Variants in ST3GAL1 observed in about 807,000 individuals in gnomAD.
ST3GAL1 encodes ST3 beta-galactoside alpha-2,3-sialyltransferase 1.
In ST3GAL1, 16 loss-of-function variants were observed where a neutral mutation model predicts 34.1. That is an observed-to-expected ratio of 0.47 (90% confidence interval 0.32 to 0.71). The LOEUF (loss-of-function observed/expected upper bound fraction) is 0.71. Ranked by LOEUF, ST3GAL1 falls within the 30% of genes least tolerant of loss-of-function variation. The probability of loss-of-function intolerance (pLI) is 0.04; values close to 1 mark genes in which losing one functional copy is unlikely to be tolerated. For missense variants in ST3GAL1, 353 were observed against 447.4 expected (o/e 0.79, Z 1.90); for synonymous variants, 191 against 184.7 (o/e 1.03, Z -0.28).
chr8:133,469,938 C>T lies in ST3GAL1; in HGVS notation c.307-3848G>A, dbSNP rs1310724841. On this transcript the variant is annotated intron_variant, in intron 5 of 9. Transcript: ENST00000522652. The surrounding 1 kb of genome is among the most constrained non-coding windows in gnomAD (Gnocchi z 4.3). ...AGGCCCAGACCCTGGAAAGGGCTCA[C>T]TTGAGGTCCCAGAGTGAGTGCAGGG... Among the ~76,000 whole-genome samples the T allele has an allele frequency of 2.0e-5, 3 of 152,218 alleles. No individual in the cohort carries two copies. The highest frequency in any genetic ancestry group is 4.4e-5 in the Non-Finnish European group (3 of 68,040).
At chr8:133,509,011 T>C (rs1018625402) in intron 2 of ST3GAL1, among the ~76,000 whole-genome samples, 27 of 152,108 alleles carry the variant, frequency 1.8e-4, no homozygotes, top group African/African-American at 1.7e-4. Flanking sequence ...AGCTTGCAAA[T>C]AGGGAGACAT....
intron 1 of ST3GAL1, among the ~76,000 whole-genome samples, chr8:133,553,875 C>T (rs896481812): frequency 3.3e-5 from 5 of 152,128 alleles, no homozygotes; most frequent in African/African-American, 4.8e-5. Flanking sequence ...ACATAGGTTG[C>T]GGCAATCTAA....
chr8:133,495,253 A>G (rs531802326), intron 3 of ST3GAL1, among the ~76,000 whole-genome samples: 8 of 152,130 alleles, frequency 5.3e-5, no homozygotes, highest in Non-Finnish European at 1.2e-4. Context: ...ACTAACTGGC[A>G]TTGCATACTT....
At chr8:133,464,727 G>C (rs767251491) in intron 7 of ST3GAL1, 51 bp downstream of exon 7, 3 of 1,558,184 alleles carry the variant, frequency 1.9e-6, no homozygotes, top group Non-Finnish European at 8.7e-7. Flanking sequence ...GGGGGACAGG[G>C]TGCCACTGCA....
At chr8:133,516,221 A>T (rs1406956710) in intron 2 of ST3GAL1, 2 of 152,104 alleles carry the variant, frequency 1.3e-5, no homozygotes, top group African/African-American at 4.8e-5. Context: ...GTATAATTTT[A>T]TCAATATTTA....
chr8:133,540,364 C>T (rs1413362794), intron 2 of ST3GAL1, among the ~76,000 whole-genome samples: 4 of 152,168 alleles, frequency 2.6e-5, no homozygotes, highest in African/African-American at 4.8e-5. Context: ...GGCCTGCATT[C>T]GGTCTCTGGG....
intron 1 of ST3GAL1, among the ~76,000 whole-genome samples, chr8:133,569,196 A>G (rs533921059): frequency 4.6e-5 from 7 of 152,340 alleles, no homozygotes; most frequent in African/African-American, 1.4e-4. Flanking sequence ...GCCTTGTCCA[A>G]TCAGACTCTA....
chr8:133,557,285 G>A (rs4526340), intron 1 of ST3GAL1, among the ~76,000 whole-genome samples: 21,001 of 152,156 alleles, frequency 0.14, 1,585 homozygotes, highest in Non-Finnish European at 0.16. Flanking sequence ...CACAGTGGAA[G>A]TCATCCAGTC....
At position 133,515,190 on chromosome 8, in the gene ST3GAL1, GCTC is replaced by G. The variant is rs539900177; in HGVS notation, c.-428-16004_-428-16002del. ...TCACTGCCATCTTGCAAGAGAGCTCGCTCCCATGCCACGCCAGGCAGCAGGCCT... is the reference window on the plus strand; with the variant it reads ...TCACTGCCATCTTGCAAGAGAGCTCGCCATGCCACGCCAGGCAGCAGGCCT... On this transcript the variant is annotated intron_variant, in intron 2 of 9. Coordinates refer to ENST00000522652, the MANE Select transcript of ST3GAL1 (RefSeq NM_173344.3). 3.3e-5 allele frequency among the ~76,000 whole-genome samples: 5 copies of G among 152,300 alleles called. No homozygotes were observed. The East Asian group carries it at 9.6e-4, about 29-fold the overall frequency.
intron 8 of ST3GAL1, among the ~76,000 whole-genome samples, chr8:133,462,816 G>A (rs1815561073): frequency 6.6e-6 from 1 of 152,226 alleles, no homozygotes; most frequent in South Asian, 2.1e-4. Context: ...AATGCAAAGG[G>A]CAAGATGCTG....
intron 2 of ST3GAL1, among the ~76,000 whole-genome samples, chr8:133,540,806 G>GACATATATGTAT (rs1228189009): frequency 3.4e-5 from 3 of 87,976 alleles, no homozygotes; most frequent in African/African-American, 1.4e-4. Flanking sequence ...CATATATATA[G>GACATATATGTAT]AGAGACATAT....
chr8:133,517,445 G>T (rs187494371), intron 2 of ST3GAL1, among the ~76,000 whole-genome samples: 7 of 152,140 alleles, frequency 4.6e-5, no homozygotes, highest in Non-Finnish European at 7.3e-5. Flanking sequence ...TGCCTCCCGG[G>T]TTCAAGCGAT....
chr8:133,552,178 G>A (rs1039866849), intron 1 of ST3GAL1, among the ~76,000 whole-genome samples: 4 of 152,222 alleles, frequency 2.6e-5, no homozygotes, highest in African/African-American at 9.6e-5. Context: ...CCATCAGCAA[G>A]GAACCACACC....
intron 1 of ST3GAL1, among the ~76,000 whole-genome samples, chr8:133,554,730 CTTT>C (rs1263832188): frequency 5.8e-5 from 8 of 137,064 alleles, no homozygotes; most frequent in Admixed American, 7.4e-5. Context: ...TATTTCTTTT[CTTT>C]TTTTTTTTTT....
chr8:133,506,276 G>C (rs945904463), intron 2 of ST3GAL1, among the ~76,000 whole-genome samples: 2 of 151,290 alleles, frequency 1.3e-5, no homozygotes, highest in Non-Finnish European at 3.0e-5. Flanking sequence ...TCATCTGTAA[G>C]ATGAGAACAA....
At chr8:133,470,162 G>A (rs750047914) in intron 5 of ST3GAL1, among the ~76,000 whole-genome samples, 13 of 152,312 alleles carry the variant, frequency 8.5e-5, no homozygotes, top group Non-Finnish European at 1.8e-4. Context: ...GCTCACGCCT[G>A]TAATCCCAAC....
In ST3GAL1 at chr8:133,459,849, G is replaced by A. The variant is rs752800791; in HGVS notation, c.938C>T (p.Thr313Met). The change falls in exon 10 of 10, where the codon ACG becomes ATG. Residue 313 changes from threonine (T) to methionine (M), a missense_variant. Physicochemically the swap from Thr to Met is moderately conservative, Grantham distance 81. Coordinates refer to ENST00000522652, the MANE Select transcript of ST3GAL1 (RefSeq NM_173344.3). This position sits in a 1 kb window ranked among gnomAD's most constrained non-coding sequence, Gnocchi z 4.7. Reference protein sequence around the residue: ...NNPSAGAFRKTGVHDADFESN... With the variant: ...NNPSAGAFRKMGVHDADFESN... The stretch of plus-strand genomic sequence containing the variant: ...CTCAAAGTCTGCATCGTGCACCCCC[G>A]TCTTGCGAAAAGCCCCCGCGGATGG... 8 of 1,614,004 alleles carry A rather than the reference G, an allele frequency of 5.0e-6. No homozygotes were observed. Among genetic ancestry groups the A allele is most frequent in the South Asian group, 2.2e-5 (2 of 91,076 alleles).
chr8:133,508,098 A>C lies in ST3GAL1; in HGVS notation c.-428-8909T>G, dbSNP rs1356257298. Among the ~76,000 whole-genome samples the C allele has an allele frequency of 6.6e-6, 1 of 151,936 alleles. No individual in the cohort carries two copies. The highest frequency in any genetic ancestry group is 2.4e-5 in the African/African-American group (1 of 41,326). On this transcript the variant is annotated intron_variant, in intron 2 of 9. Coordinates refer to ENST00000522652, the MANE Select transcript of ST3GAL1 (RefSeq NM_173344.3). The surrounding 1 kb of genome is among the most constrained non-coding windows in gnomAD (Gnocchi z 4.1). ...GTTGGCCTCCTTTACCTTTTCCTTC[A>C]GTTTCCCCCACTGATGGTAAGTACT...
At chr8:133,468,131 T>C (rs977657326) in intron 5 of ST3GAL1, among the ~76,000 whole-genome samples, 1 of 151,796 alleles carries the variant, frequency 6.6e-6, no homozygotes, top group South Asian at 2.1e-4. Flanking sequence ...CCCCCAGAAA[T>C]TGAAAGCAGG....
Sources: gnomAD v4.1 joint callset for allele counts (sites outside exome capture counted in the v4.1 genomes callset) on GRCh38, gnomAD v4.1.1 for gene constraint, Gnocchi (gnomAD v3.1) non-coding constraint, MANE v1.5 for transcripts, NCBI Gene and HGNC (gene_info 2026-07-23, HGNC 2026-07-21) for gene names.